The following ATP2B2 variants were observed in gnomAD, a reference collection of about 807,000 sequenced individuals.
The protein encoded by ATP2B2 is ATPase plasma membrane Ca2+ transporting 2.
ATP2B2 carries 15 observed loss-of-function variants against 120.0 expected under a neutral mutation model. The ratio of observed to expected loss-of-function variants is 0.12; its 90% CI spans 0.08 to 0.19. The LOEUF (loss-of-function observed/expected upper bound fraction) is 0.19. Among genes scored for constraint, ATP2B2 ranks in the 10% least tolerant of loss-of-function variants. The pLI is 1.00. For synonymous variants in ATP2B2, 694 were observed against 700.3 expected (o/e 0.99, Z 0.14); for missense variants, 1,045 against 1,719.8 (o/e 0.61, Z 6.94).
At chr3:10,574,952 G>A (rs1482249694) in intron 2 of ATP2B2, among the ~76,000 whole-genome samples, 1 of 152,114 alleles carries the variant, frequency 6.6e-6, no homozygotes, top group African/African-American at 2.4e-5. Flanking sequence ...TTCACAAAGG[G>A]CTGGCTGACT....
chr3:10,652,213 C>T lies in ATP2B2; in HGVS notation c.-459-32252G>A, dbSNP rs376789952. Among the ~76,000 whole-genome samples the T allele has an allele frequency of 6.6e-5, 10 of 152,274 alleles. No individual in the cohort carries two copies. The South Asian group carries it at 8.3e-4, about 13-fold the overall frequency. ...CTTCTCTGGGCTGATGACCCCACCACGTGGCCCAGAGGGAGTCCCTGAGCC... is the reference window on the plus strand; with the variant it reads ...CTTCTCTGGGCTGATGACCCCACCATGTGGCCCAGAGGGAGTCCCTGAGCC... On this transcript the variant is annotated intron_variant, in intron 1 of 21. Coordinates refer to the ATP2B2 transcript ENST00000646379.
chr3:10,435,482 C>T (rs1043949105), intron 2 of ATP2B2, among the ~76,000 whole-genome samples: 1 of 152,212 alleles, frequency 6.6e-6, no homozygotes, highest in African/African-American at 2.4e-5. Context: ...AGGCCTAAGC[C>T]TTCAAGAGCA....
chr3:10,448,143 C>T (rs898077168), intron 2 of ATP2B2, among the ~76,000 whole-genome samples: 1 of 152,192 alleles, frequency 6.6e-6, no homozygotes, highest in African/African-American at 2.4e-5. Context: ...GAGACAGGCT[C>T]CTTTTCTGTC....
intron 2 of ATP2B2, among the ~76,000 whole-genome samples, chr3:10,439,932 C>T (rs1282409848): frequency 1.3e-5 from 2 of 151,246 alleles, no homozygotes; most frequent in Non-Finnish European, 2.9e-5. Flanking sequence ...TTTTTGAAAC[C>T]CTGTTTCTAC....
chr3:10,458,477 A>C (rs1400657362), intron 1 of ATP2B2, among the ~76,000 whole-genome samples: 5 of 100,110 alleles, frequency 5.0e-5, no homozygotes, highest in African/African-American at 2.0e-4. Flanking sequence ...TCTTGGTGTG[A>C]TGACTATGAT....
At chr3:10,664,305 C>T (rs757203081) in intron 1 of ATP2B2, among the ~76,000 whole-genome samples, 7 of 152,110 alleles carry the variant, frequency 4.6e-5, no homozygotes, top group Admixed American at 1.3e-4. Flanking sequence ...AAGTGGTCAG[C>T]GGCTGAGAGG....
At chr3:10,555,393 C>T (rs1032243703) in intron 2 of ATP2B2, among the ~76,000 whole-genome samples, 4 of 152,234 alleles carry the variant, frequency 2.6e-5, no homozygotes, top group African/African-American at 9.6e-5. Flanking sequence ...CTGTCTCCTC[C>T]CCTTCACCTA....
intron 1 of ATP2B2, among the ~76,000 whole-genome samples, chr3:10,476,895 G>A (rs924896114): frequency 6.6e-6 from 1 of 152,202 alleles, no homozygotes; most frequent in African/African-American, 2.4e-5. Flanking sequence ...CACCCTGGGG[G>A]TGCTGGGTCT....
rs563975802 is a variant in ATP2B2 at position 10,659,725 on chromosome 3, C to T, written c.-459-39764G>A. ...AACAAGGATATCCAGGAATTGAATT[C>T]AGCTCTGCACCAAGTGGACCTAATA... On this transcript the variant is annotated intron_variant, in intron 1 of 21. Transcript: ENST00000646379. 2.1e-4 allele frequency among the ~76,000 whole-genome samples: 32 copies of T among 152,330 alleles called. No individual in the cohort carries two copies. In the South Asian group the frequency reaches 6.6e-3, roughly 32 times the overall value.
chr3:10,640,373 G>A (rs758955394), intron 1 of ATP2B2, among the ~76,000 whole-genome samples: 2 of 152,074 alleles, frequency 1.3e-5, no homozygotes, highest in African/African-American at 2.4e-5. Context: ...TCTCTAAATC[G>A]GCCTCTTCCT....
chr3:10,493,442 C>T (rs889229228), intron 1 of ATP2B2, among the ~76,000 whole-genome samples: 7 of 151,864 alleles, frequency 4.6e-5, no homozygotes, highest in African/African-American at 7.3e-5. Context: ...GGGCAGTAAA[C>T]GAGAGGAAAG....
chr3:10,535,235 C>A (rs1447651875), intron 2 of ATP2B2, among the ~76,000 whole-genome samples: 6 of 152,088 alleles, frequency 3.9e-5, no homozygotes, highest in Admixed American at 3.9e-4. Context: ...AAATAGTTAT[C>A]GATTCAAAAG....
chr3:10,378,609 T>C (rs2061443660), intron 9 of ATP2B2, among the ~76,000 whole-genome samples, 199 bp from the exon 10 acceptor site: 1 of 152,188 alleles, frequency 6.6e-6, no homozygotes, highest in South Asian at 2.1e-4. Context: ...TGGATCCCAG[T>C]GGTACTCGCT....
chr3:10,623,656 T>C (rs1223658148), intron 1 of ATP2B2, among the ~76,000 whole-genome samples: 2 of 152,192 alleles, frequency 1.3e-5, no homozygotes, highest in Non-Finnish European at 2.9e-5. Flanking sequence ...CTAGGAAAAC[T>C]GGGTGACAAT....
intron 1 of ATP2B2, among the ~76,000 whole-genome samples, chr3:10,660,061 C>T (rs76673051): frequency 0.015 from 2,271 of 152,262 alleles, 43 homozygotes; most frequent in South Asian, 0.073. Flanking sequence ...AGAATGAAGA[C>T]ACAACATACC....
intron 1 of ATP2B2, among the ~76,000 whole-genome samples, chr3:10,663,692 A>C (rs1350853444): frequency 6.6e-6 from 1 of 152,174 alleles, no homozygotes; most frequent in Non-Finnish European, 1.5e-5. Context: ...GCAGAGCTGC[A>C]GGAGGGGAGT....
intron 9 of ATP2B2, 99 bp downstream of exon 9, chr3:10,379,144 G>T: frequency 1.4e-6 from 2 of 1,392,294 alleles, no homozygotes; most frequent in Non-Finnish European, 2.0e-6. Context: ...GGATGTGTCT[G>T]CCTCTGGCCC....
chr3:10,682,427 T>C (rs2071405196), intron 1 of ATP2B2, among the ~76,000 whole-genome samples: 1 of 152,240 alleles, frequency 6.6e-6, no homozygotes. Flanking sequence ...ACCTGGAGTT[T>C]GAATGGCTTA....
rs2060336857 is a variant in ATP2B2, at chr3:10,343,349, C to CACTGCCTCCTCCCCCT, written c.2704-400_2704-385dup. Among the ~76,000 whole-genome samples, 1 of 151,704 alleles carries CACTGCCTCCTCCCCCT rather than the reference C, an allele frequency of 6.6e-6. No individual in the cohort carries two copies. Among genetic ancestry groups the CACTGCCTCCTCCCCCT allele is most frequent in the Non-Finnish European group, 1.5e-5 (1 of 67,896 alleles). ...GGCATGGGCTCCTACCTCCTCCCCC[C>CACTGCCTCCTCCCCCT]ACTGCCTCCTCCCCCTCGGGCTTTC... is the stretch of plus-strand genomic sequence containing the variant. On this transcript the variant is annotated intron_variant, in intron 18 of 22. Coordinates refer to ENST00000360273, the MANE Select transcript of ATP2B2 (RefSeq NM_001001331.4). The surrounding 1 kb of genome is among the most constrained non-coding windows in gnomAD (Gnocchi z 4.2).
Sources: gnomAD v4.1 joint callset for allele counts (sites outside exome capture counted in the v4.1 genomes callset) on GRCh38, gnomAD v4.1.1 for gene constraint, Gnocchi (gnomAD v3.1) non-coding constraint, MANE v1.5 for transcripts, NCBI Gene and HGNC (gene_info 2026-07-23, HGNC 2026-07-21) for gene names.